The following HYDIN variants were observed in gnomAD, a reference collection of about 807,000 sequenced individuals.
The protein encoded by HYDIN is HYDIN axonemal central pair apparatus protein, also known as axonemal central pair apparatus protein HYDIN.
Under a neutral mutation model 403.9 loss-of-function variants are expected in HYDIN, and 132 were observed. The ratio of observed to expected loss-of-function variants is 0.33; its 90% CI spans 0.28 to 0.38. HYDIN has a LOEUF of 0.38. Among genes scored for constraint, HYDIN ranks in the 10% least tolerant of loss-of-function variants. HYDIN has a pLI of 1.00. For synonymous variants in HYDIN, 1,202 were observed against 1,891.7 expected, an observed-to-expected ratio of 0.64 and a Z score of 9.46; for missense variants, 2,827 against 5,009.5, an observed-to-expected ratio of 0.56 and a Z score of 13.15.
At chr16:71,033,134 G>C (rs1384232358) in intron 18 of HYDIN, among the ~76,000 whole-genome samples, 5 of 151,504 alleles carry the variant, frequency 3.3e-5, no homozygotes, top group Admixed American at 6.6e-5. Context: ...TAAACACCCC[G>C]AGGAGCTGAC....
intron 25 of HYDIN, among the ~76,000 whole-genome samples, chr16:70,989,010 A>T (rs2079261159): frequency 6.6e-6 from 1 of 152,010 alleles, no homozygotes; most frequent in Admixed American, 6.6e-5. Flanking sequence ...TGTTTGCTTT[A>T]ATTTTTCTGT....
At chr16:71,042,323 T>C (rs1024766632) in intron 18 of HYDIN, among the ~76,000 whole-genome samples, 5 of 152,190 alleles carry the variant, frequency 3.3e-5, no homozygotes, top group Non-Finnish European at 7.3e-5. Flanking sequence ...TCAGTTCTTT[T>C]AGCCTTTGCT....
intron 1 of HYDIN, among the ~76,000 whole-genome samples, chr16:71,194,125 T>A (rs2144686970): frequency 6.6e-6 from 1 of 152,316 alleles, no homozygotes; most frequent in South Asian, 2.1e-4. Context: ...AAAAAAATAA[T>A]TTTTGGGCCG....
chr16:71,061,444 CAT>C (rs1359702694), intron 17 of HYDIN, among the ~76,000 whole-genome samples: 1 of 152,280 alleles, frequency 6.6e-6, no homozygotes, highest in African/African-American at 2.4e-5. Flanking sequence ...AAGTAAACCA[CAT>C]GTCTAGGAAT....
intron 64 of HYDIN, among the ~76,000 whole-genome samples, chr16:70,872,641 G>A (rs1447723419): frequency 8.2e-5 from 4 of 48,848 alleles, no homozygotes; most frequent in East Asian, 1.2e-3. Context: ...ATCCACCCTC[G>A]CATCCATCCA....
At position 70,808,024 on chromosome 16, in the gene HYDIN, A is replaced by G. The variant is rs761503903; in HGVS notation, c.14922T>C (p.Asn4974=). 1 of 1,613,560 alleles carries G rather than the reference A, an allele frequency of 6.2e-7. No individual in the cohort carries two copies. The highest frequency in any genetic ancestry group is 1.1e-5 in the South Asian group (1 of 91,038). The change falls in exon 86 of 86, where the codon AAT becomes AAC. Residue 4974 remains asparagine, a synonymous_variant. Coordinates refer to ENST00000393567, the MANE Select transcript of HYDIN (RefSeq NM_001270974.2). ...CTDFHAEKLI[N]AAPGGQGGTE... ...TGCCTCCCTGGCCTCCTGGGGCTGC[A>G]TTAATGAGTTTTTCTGCGTGGAAGT...
intron 18 of HYDIN, among the ~76,000 whole-genome samples, chr16:71,052,806 G>A (rs1198687949): frequency 7.0e-6 from 1 of 142,604 alleles, no homozygotes; most frequent in Non-Finnish European, 1.5e-5. Flanking sequence ...AGCTGTGATT[G>A]TGCCACTGCA....
intron 1 of HYDIN, among the ~76,000 whole-genome samples, chr16:71,227,763 C>A (rs2041103534): frequency 1.3e-5 from 2 of 152,166 alleles, no homozygotes; most frequent in African/African-American, 4.8e-5. Flanking sequence ...TCAGTGCCAT[C>A]CCCATCAAGC....
intron 10 of HYDIN, among the ~76,000 whole-genome samples, chr16:71,114,562 TAG>T (rs1289598223): frequency 6.6e-6 from 1 of 151,822 alleles, no homozygotes; most frequent in Non-Finnish European, 1.5e-5. Flanking sequence ...CTCACTGCTA[TAG>T]AGTCTCAAAG....
chr16:71,202,007 T>G (rs752281219), intron 1 of HYDIN, among the ~76,000 whole-genome samples: 2 of 152,276 alleles, frequency 1.3e-5, no homozygotes, highest in Admixed American at 6.5e-5. Flanking sequence ...TATGCTAATT[T>G]AAACATGGCA....
chr16:71,094,725 AT>A (rs2083224202), intron 10 of HYDIN, among the ~76,000 whole-genome samples: 1 of 152,294 alleles, frequency 6.6e-6, no homozygotes, highest in Non-Finnish European at 1.5e-5. Context: ...TCAAATTTCT[AT>A]GTCCAAGGCA....
chr16:70,878,080 C>T (rs1798423), intron 62 of HYDIN, among the ~76,000 whole-genome samples: 7 of 152,168 alleles, frequency 4.6e-5, no homozygotes, highest in Non-Finnish European at 1.0e-4. Flanking sequence ...ATAACTCCCA[C>T]GTGTTGCGGG....
chr16:71,150,924 C>T (rs114869362), intron 7 of HYDIN, among the ~76,000 whole-genome samples: 3,177 of 152,126 alleles, frequency 0.021, 123 homozygotes, highest in African/African-American at 0.073. Context: ...AAATGAATGG[C>T]CAGTAAGCAC....
rs977384562 is a variant in HYDIN at position 70,802,647 on chromosome 16, A to T, written c.*4933T>A. 2.6e-5 allele frequency: 4 copies of T among 152,212 alleles called. No homozygotes were observed. The highest frequency in any genetic ancestry group is 5.9e-5 in the Non-Finnish European group (4 of 68,030). The allele number at this position is 152,212 out of a possible 1,614,324, so 9.4% of individuals were successfully genotyped here. A position where few individuals can be genotyped will look rare whatever the true frequency, so the allele number is the denominator to read the frequency against. On this transcript the variant is annotated 3_prime_UTR_variant, in exon 86 of 86. Transcript: ENST00000393567. ...ACCCTGAGCTGAGAATCCAGTTCAC[A>T]CTGGGCTCTCAACCCATGGAAACTG...
chr16:70,837,373 T>G (rs1035504525), intron 77 of HYDIN, among the ~76,000 whole-genome samples: 2 of 152,026 alleles, frequency 1.3e-5, no homozygotes, highest in Admixed American at 6.5e-5. Flanking sequence ...AAGGATATAC[T>G]TGGGGTGCTG....
chr16:71,125,728 C>A (rs1264729218), intron 9 of HYDIN, among the ~76,000 whole-genome samples: 1 of 152,118 alleles, frequency 6.6e-6, no homozygotes, highest in Non-Finnish European at 1.5e-5. Flanking sequence ...CAATGTCTCA[C>A]CTCACCATCA....
chr16:71,160,535 GA>G (rs1315639065), intron 6 of HYDIN, among the ~76,000 whole-genome samples: 1 of 152,006 alleles, frequency 6.6e-6, no homozygotes, highest in Non-Finnish European at 1.5e-5. Context: ...ATCAGTCCAG[GA>G]ACTCCTAAGG....
At chr16:71,106,688 G>C (rs1400923504) in intron 10 of HYDIN, among the ~76,000 whole-genome samples, 1 of 151,764 alleles carries the variant, frequency 6.6e-6, no homozygotes, top group African/African-American at 2.4e-5. Flanking sequence ...TTTACATAAT[G>C]GAACACTGTA....
At chr16:70,913,219 T>C (rs1487527967) in intron 47 of HYDIN, among the ~76,000 whole-genome samples, 1 of 151,938 alleles carries the variant, frequency 6.6e-6, no homozygotes, top group Non-Finnish European at 1.5e-5. Flanking sequence ...CCTTGAGGTG[T>C]GACCTTAGAT....
Sources: allele counts gnomAD v4.1 joint callset (sites outside exome capture counted in the v4.1 genomes callset), GRCh38; gene constraint gnomAD v4.1.1; transcripts MANE v1.5; gene names NCBI Gene and HGNC (gene_info 2026-07-23, HGNC 2026-07-21).